The following FAM220A variants were observed in gnomAD, a reference collection of about 807,000 sequenced individuals.
FAM220A encodes protein FAM220A.
For synonymous variants in FAM220A, 141 were observed against 130.7 expected (o/e 1.08, Z -0.54); for missense variants, 392 against 321.6 (o/e 1.22, Z -1.68).
At chr7:6,347,554 G>A (rs1322067186) in intron 1 of FAM220A, among the ~76,000 whole-genome samples, 2 of 151,830 alleles carry the variant, frequency 1.3e-5, no homozygotes, top group African/African-American at 4.8e-5. Context: ...TTACAGCAAA[G>A]GCGGTCTCCA....
chr7:6,347,060 G>T (rs1005511613), intron 1 of FAM220A, among the ~76,000 whole-genome samples: 18 of 152,260 alleles, frequency 1.2e-4, no homozygotes, highest in Middle Eastern at 3.4e-3. Context: ...GGCTCACTGG[G>T]TTCTGACTGT....
chr7:6,331,640 A>C (rs775573353), intron 1 of FAM220A, among the ~76,000 whole-genome samples: 2 of 151,952 alleles, frequency 1.3e-5, no homozygotes, highest in Non-Finnish European at 2.9e-5. Context: ...TTGGCCTCCC[A>C]AAGTACTGGG....
intron 1 of FAM220A, among the ~76,000 whole-genome samples, chr7:6,338,040 G>T (rs1781779863): frequency 6.6e-6 from 1 of 152,030 alleles, no homozygotes; most frequent in African/African-American, 2.4e-5. Flanking sequence ...CTGACCTCAG[G>T]TGATCCACCT....
chr7:6,335,189 A>G, intron 1 of FAM220A, among the ~76,000 whole-genome samples: 1 of 151,622 alleles, frequency 6.6e-6, no homozygotes, highest in Non-Finnish European at 1.5e-5. Flanking sequence ...CAGCCTCCCA[A>G]GTTGCTGGGA....
chr7:6,341,010 G>C (rs1216309283), intron 1 of FAM220A, among the ~76,000 whole-genome samples: 1 of 151,246 alleles, frequency 6.6e-6, no homozygotes, highest in Non-Finnish European at 1.5e-5. Context: ...CAGGTGTGGT[G>C]GTGGGAACCT....
At chr7:6,345,050 C>T (rs566423398) in intron 1 of FAM220A, among the ~76,000 whole-genome samples, 3 of 152,050 alleles carry the variant, frequency 2.0e-5, no homozygotes, top group Non-Finnish European at 4.4e-5. Flanking sequence ...GGCCACTGCG[C>T]CCGGCCAGAG....
chr7:6,333,277 G>A (rs1471306633), intron 1 of FAM220A, among the ~76,000 whole-genome samples: 1 of 152,074 alleles, frequency 6.6e-6, no homozygotes, highest in Non-Finnish European at 1.5e-5. Flanking sequence ...AGAGACCTCG[G>A]GCCATGTCAC....
chr7:6,341,338 G>C (rs1165524096), intron 1 of FAM220A, among the ~76,000 whole-genome samples: 1 of 151,180 alleles, frequency 6.6e-6, no homozygotes, highest in Non-Finnish European at 1.5e-5. Context: ...AGCTACTCGG[G>C]AGGCTGAGGC....
intron 1 of FAM220A, 141 bp downstream of exon 1, chr7:6,348,432 A>G (rs1280686087): frequency 1.3e-5 from 5 of 396,456 alleles, no homozygotes; most frequent in African/African-American, 2.1e-5. Flanking sequence ...GATCTCCCCA[A>G]AGTAGGGTCG....
chr7:6,348,679 C>A lies in FAM220A; in HGVS notation c.-188G>T. ...GAAGATGAGCAGCGTGCGAGTCAGC[C>A]CCTTGCAGAAGACCCCATAGGAGCG... On this transcript the variant is annotated 5_prime_UTR_variant, in exon 1 of 2. Transcript: ENST00000313324. The A allele has an allele frequency of 2.0e-6, 1 of 491,820 alleles. No individual in the cohort carries two copies. Among genetic ancestry groups the A allele is most frequent in the Admixed American group, 3.3e-5 (1 of 30,428 alleles). 30.5% of individuals were successfully genotyped at this position (491,820 alleles called of 1,614,324 possible).
At chr7:6,332,974 C>T (rs955493574) in intron 1 of FAM220A, among the ~76,000 whole-genome samples, 1 of 151,972 alleles carries the variant, frequency 6.6e-6, no homozygotes, top group Admixed American at 6.6e-5. Flanking sequence ...GCATGGTCAA[C>T]ATGGTGAAAC....
intron 1 of FAM220A, among the ~76,000 whole-genome samples, chr7:6,341,514 C>T (rs561773274): frequency 6.4e-4 from 95 of 148,546 alleles, no homozygotes; most frequent in African/African-American, 2.2e-3. Context: ...GAAACCCTGC[C>T]TCTACTAAAA....
At chr7:6,333,834 T>C (rs1311337439) in intron 1 of FAM220A, among the ~76,000 whole-genome samples, 6 of 146,272 alleles carry the variant, frequency 4.1e-5, no homozygotes, top group South Asian at 2.2e-4. Flanking sequence ...CTCGAACTCC[T>C]GGCCTCTTTT....
intron 1 of FAM220A, among the ~76,000 whole-genome samples, chr7:6,342,303 G>C (rs1781875965): frequency 6.6e-6 from 1 of 152,032 alleles, no homozygotes; most frequent in South Asian, 2.1e-4. Context: ...CCAGCACTCT[G>C]GGAGGCCGAG....
At chr7:6,333,496 ATTG>A (rs778405400) in intron 1 of FAM220A, among the ~76,000 whole-genome samples, 3 of 152,120 alleles carry the variant, frequency 2.0e-5, no homozygotes, top group Non-Finnish European at 4.4e-5. Flanking sequence ...AAAGTTTCAT[ATTG>A]TTGTTGTTGC....
At chr7:6,343,095 G>C (rs971735215) in intron 1 of FAM220A, among the ~76,000 whole-genome samples, 4 of 151,116 alleles carry the variant, frequency 2.6e-5, no homozygotes, top group African/African-American at 9.7e-5. Flanking sequence ...AGAAAAAATT[G>C]GCCAGGTGCA....
rs144968638 is a variant in FAM220A, at chr7:6,330,315, A to G, written c.*60T>C. On this transcript the variant is annotated 3_prime_UTR_variant, in exon 2 of 2. Transcript: ENST00000313324. ...ACAGTTTGCATCCAGACTTAATGCG[A>G]AAGAAATCATTCTAAGACAACTCTT... 45,229 of 1,502,966 alleles carry G rather than the reference A, an allele frequency of 0.03. 821 individuals carry two copies. The highest frequency in any genetic ancestry group is 0.072 in the Middle Eastern group (395 of 5,508). 93.1% of individuals were successfully genotyped at this position (1,502,966 alleles called of 1,614,324 possible). A position where few individuals can be genotyped will look rare whatever the true frequency, so the allele number is the denominator to read the frequency against.
At chr7:6,332,192 C>T (rs1781651275) in intron 1 of FAM220A, among the ~76,000 whole-genome samples, 1 of 151,912 alleles carries the variant, frequency 6.6e-6, no homozygotes, top group African/African-American at 2.4e-5. Flanking sequence ...CTAGTGCATC[C>T]TTCAGGTTAT....
intron 1 of FAM220A, among the ~76,000 whole-genome samples, chr7:6,339,635 C>T (rs922377674): frequency 1.3e-5 from 2 of 151,938 alleles, no homozygotes; most frequent in African/African-American, 2.4e-5. Context: ...AGGCGCCCGC[C>T]ACCACGCCTG....
Sources: gnomAD v4.1 joint callset for allele counts (sites outside exome capture counted in the v4.1 genomes callset) on GRCh38, gnomAD v4.1.1 for gene constraint, MANE v1.5 for transcripts, NCBI Gene and HGNC (gene_info 2026-07-23, HGNC 2026-07-21) for gene names.